The following WDFY4 variants were observed in gnomAD, a reference collection of about 807,000 sequenced individuals.
WDFY4 encodes WD repeat- and FYVE domain-containing protein 4.
Under a neutral mutation model 351.9 loss-of-function variants are expected in WDFY4, and 169 were observed. The ratio of observed to expected loss-of-function variants is 0.48; its 90% CI spans 0.42 to 0.55. The LOEUF is 0.55. Ranked by LOEUF, WDFY4 falls within the 20% of genes least tolerant of loss-of-function variation. WDFY4 has a pLI of 0.00. For synonymous variants in WDFY4, 1,622 were observed against 1,574.6 expected, an observed-to-expected ratio of 1.03 and a Z score of -0.71; for missense variants, 3,803 against 3,935.6, an observed-to-expected ratio of 0.97 and a Z score of 0.90.
intron 1 of WDFY4, among the ~76,000 whole-genome samples, chr10:48,692,578 G>C (rs2063223582): frequency 6.6e-6 from 1 of 152,226 alleles, no homozygotes; most frequent in African/African-American, 2.4e-5. Flanking sequence ...GGAAATACAA[G>C]AGTGAGAAAG....
intron 5 of WDFY4, among the ~76,000 whole-genome samples, 178 bp downstream of exon 5, chr10:48,723,745 G>A (rs2064169790): frequency 2.0e-5 from 3 of 151,978 alleles, no homozygotes; most frequent in Admixed American, 2.0e-4. Context: ...TGCCCCACTA[G>A]CAAAATAGTA....
intron 47 of WDFY4, among the ~76,000 whole-genome samples, chr10:48,939,657 C>T (rs532541828): frequency 1.3e-5 from 2 of 152,332 alleles, no homozygotes; most frequent in Non-Finnish European, 2.9e-5. Context: ...CAGTTACCAA[C>T]AAAATTCACA....
chr10:48,744,248 A>G (rs1053522394), intron 12 of WDFY4, among the ~76,000 whole-genome samples: 2 of 152,208 alleles, frequency 1.3e-5, no homozygotes, highest in African/African-American at 4.8e-5. Flanking sequence ...CCATTCCTCT[A>G]AAGCATAAAT....
chr10:48,808,005 A>G, intron 28 of WDFY4, 47 bp downstream of exon 28: 1 of 1,434,452 alleles, frequency 7.0e-7, no homozygotes, highest in Non-Finnish European at 9.3e-7. Context: ...TACCTCATAC[A>G]GGGTGTGGCA....
intron 1 of WDFY4, among the ~76,000 whole-genome samples, chr10:48,687,781 ATTT>A (rs35915325): frequency 2.8e-5 from 3 of 108,248 alleles, no homozygotes; most frequent in African/African-American, 3.5e-5. Context: ...CACCTGGCTA[ATTT>A]TTTTTTTTTT....
At chr10:48,905,030 A>G (rs1276326121) in intron 47 of WDFY4, among the ~76,000 whole-genome samples, 1 of 152,224 alleles carries the variant, frequency 6.6e-6, no homozygotes, top group Non-Finnish European at 1.5e-5. Context: ...GCAATGCTGC[A>G]TCAATCATGA....
At chr10:48,875,178 C>CT in intron 42 of WDFY4, 38 bp downstream of exon 42, 1 of 1,165,786 alleles carries the variant, frequency 8.6e-7, no homozygotes, top group Non-Finnish European at 1.1e-6. Flanking sequence ...AATAGTTAAG[C>CT]TAATTATTGG....
At chr10:48,869,362 C>T (rs2069673013) in intron 40 of WDFY4, among the ~76,000 whole-genome samples, 2 of 152,212 alleles carry the variant, frequency 1.3e-5, no homozygotes, top group South Asian at 4.1e-4. Context: ...GCCAGTAACA[C>T]ACCACGCAGG....
chr10:48,851,489 G>A (rs1438931052), intron 39 of WDFY4, among the ~76,000 whole-genome samples: 6 of 152,186 alleles, frequency 3.9e-5, no homozygotes, highest in Admixed American at 2.0e-4. Flanking sequence ...GTGAGGACTC[G>A]GCGTCCCTCC....
chr10:48,855,783 G>A (rs954765587), intron 39 of WDFY4, among the ~76,000 whole-genome samples: 1 of 151,938 alleles, frequency 6.6e-6, no homozygotes, highest in Non-Finnish European at 1.5e-5. Flanking sequence ...GTTAACCATG[G>A]TCCAAAAATA....
At position 48,828,630 on chromosome 10, in the gene WDFY4, G is replaced by C. The variant is rs373932193; in HGVS notation, c.6222-148G>C. ...TATCTGCTGTGGAATTTCTTATAAA[G>C]TGTTTGCTTTAATTTGATTAGGCAA... On this transcript the variant is annotated intron_variant, in intron 36 of 61. Coordinates refer to ENST00000325239, the MANE Select transcript of WDFY4 (RefSeq NM_001394531.1). 41 of 524,516 alleles carry C rather than the reference G, an allele frequency of 7.8e-5. No homozygotes were observed. The African/African-American group carries it at 8.0e-4, about 10-fold the overall frequency. The allele number at this position is 524,516 out of a possible 1,614,324, so 32.5% of individuals were successfully genotyped here. A position where few individuals can be genotyped will look rare whatever the true frequency, so the allele number is the denominator to read the frequency against.
chr10:48,783,733 A>G (rs990181924), intron 19 of WDFY4, among the ~76,000 whole-genome samples: 3 of 152,150 alleles, frequency 2.0e-5, no homozygotes, highest in Admixed American at 2.0e-4. Flanking sequence ...TTAACCTCTC[A>G]TTTAACCTAA....
intron 39 of WDFY4, among the ~76,000 whole-genome samples, chr10:48,865,894 C>T (rs989896949): frequency 2.6e-5 from 4 of 151,866 alleles, no homozygotes; most frequent in African/African-American, 7.3e-5. Flanking sequence ...TTTTTATAAT[C>T]TTTTGAAAAA....
At chr10:48,701,014 A>G (rs1262185994) in intron 1 of WDFY4, among the ~76,000 whole-genome samples, 1 of 152,178 alleles carries the variant, frequency 6.6e-6, no homozygotes, top group South Asian at 2.1e-4. Flanking sequence ...AACCATCAGC[A>G]CTATCCAGCT....
intron 20 of WDFY4, among the ~76,000 whole-genome samples, chr10:48,787,919 TTCTTC>T (rs2066513266): frequency 7.5e-5 from 5 of 66,810 alleles, no homozygotes; most frequent in Admixed American, 1.6e-4. Flanking sequence ...CTTCTTCTTC[TTCTTC>T]TTCTTCTTCT....
At chr10:48,905,868 T>C (rs1410180225) in intron 47 of WDFY4, among the ~76,000 whole-genome samples, 1 of 152,240 alleles carries the variant, frequency 6.6e-6, no homozygotes, top group Non-Finnish European at 1.5e-5. Context: ...ACCTGATGTG[T>C]GTTTGGGCAT....
At chr10:48,901,725 A>G in intron 46 of WDFY4, 76 bp from the exon 47 acceptor site, 1 of 1,476,626 alleles carries the variant, frequency 6.8e-7, no homozygotes, top group South Asian at 1.2e-5. Flanking sequence ...TTCCTGCCTG[A>G]CTCCGGAAAT....
intron 6 of WDFY4, among the ~76,000 whole-genome samples, chr10:48,726,861 AC>A (rs1199780560): frequency 6.6e-6 from 1 of 152,132 alleles, no homozygotes; most frequent in African/African-American, 2.4e-5. Context: ...AAAAACAGTG[AC>A]CCATCCAAAT....
rs1318408338 is a variant in WDFY4, at chr10:48,970,217, G to A, written c.8856G>A (p.Gly2952=). The A allele has an allele frequency of 3.9e-6, 6 of 1,551,706 alleles. No individual in the cohort carries two copies. The Admixed American group carries it at 7.8e-5, about 20-fold the overall frequency. Residue 2952 remains glycine (G), a synonymous_variant, in exon 57 of 62, where the codon GGG becomes GGA. Coordinates refer to ENST00000325239, the MANE Select transcript of WDFY4 (RefSeq NM_001394531.1). The part of the protein sequence containing the change: ...CPSPTTIVTS[G]TSTVVCVWEL... ...CCCCAACAACGATTGTCACCTCTGG[G>A]ACCAGCACTGTGGTGTGTGTGTGGG...
Sources: gnomAD v4.1 joint callset for allele counts (sites outside exome capture counted in the v4.1 genomes callset) on GRCh38, gnomAD v4.1.1 for gene constraint, MANE v1.5 for transcripts, NCBI Gene and HGNC (gene_info 2026-07-23, HGNC 2026-07-21) for gene names.